Variants in GRM8 observed in about 807,000 individuals in gnomAD.
GRM8 encodes glutamate metabotropic receptor 8, also known as metabotropic glutamate receptor 8.
A neutral mutation model predicts 87.2 loss-of-function variants in GRM8; 47 were observed. The ratio of observed to expected loss-of-function variants is 0.54; its 90% CI spans 0.43 to 0.69. GRM8 has a LOEUF of 0.69. Among genes scored for constraint, GRM8 ranks in the 30% least tolerant of loss-of-function variants. GRM8 has a pLI of 0.00. For synonymous variants in GRM8, 396 were observed against 404.5 expected (o/e 0.98, Z 0.25); for missense variants, 1,019 against 1,139.2 (o/e 0.89, Z 1.52).
intron 3 of GRM8, among the ~76,000 whole-genome samples, chr7:126,949,537 A>G (rs1807908997): frequency 6.6e-6 from 1 of 152,230 alleles, no homozygotes; most frequent in Non-Finnish European, 1.5e-5. Context: ...TGGCAAAAGC[A>G]GTATGCCTAT....
chr7:127,138,460 G>A (rs763122238), intron 2 of GRM8, among the ~76,000 whole-genome samples: 2 of 152,044 alleles, frequency 1.3e-5, no homozygotes, highest in Non-Finnish European at 2.9e-5. Flanking sequence ...CCTTCACTTG[G>A]AGAATATGCA....
chr7:127,196,886 A>G (rs529167903), intron 2 of GRM8, among the ~76,000 whole-genome samples: 1 of 152,238 alleles, frequency 6.6e-6, no homozygotes, highest in South Asian at 2.1e-4. Flanking sequence ...TAAAGTGATG[A>G]TAAGAGGTGG....
At chr7:126,645,884 C>T (rs1343636134) in intron 7 of GRM8, among the ~76,000 whole-genome samples, 1 of 152,140 alleles carries the variant, frequency 6.6e-6, no homozygotes, top group Non-Finnish European at 1.5e-5. Flanking sequence ...TTCCATTTGC[C>T]TTTTGCCTCA....
At chr7:126,578,633 G>A (rs888303210) in intron 8 of GRM8, among the ~76,000 whole-genome samples, 1 of 152,102 alleles carries the variant, frequency 6.6e-6, no homozygotes, top group African/African-American at 2.4e-5. Flanking sequence ...ATGCTGCAGA[G>A]GTGTACTCTA....
intron 3 of GRM8, among the ~76,000 whole-genome samples, chr7:126,922,355 G>A (rs1415311938): frequency 8.5e-5 from 13 of 152,098 alleles, no homozygotes; most frequent in Admixed American, 7.9e-4. Flanking sequence ...GCACATCCAT[G>A]TGCAATGTGT....
intron 8 of GRM8, among the ~76,000 whole-genome samples, chr7:126,598,123 A>G (rs1797384436): frequency 6.6e-6 from 1 of 152,012 alleles, no homozygotes. Flanking sequence ...AAAATATCAC[A>G]TGTTCTCAGT....
intron 6 of GRM8, among the ~76,000 whole-genome samples, chr7:126,902,106 C>A (rs1802142745): frequency 6.6e-6 from 1 of 152,062 alleles, no homozygotes; most frequent in South Asian, 2.1e-4. Flanking sequence ...AGCTGCTATG[C>A]AGGATTTAAG....
intron 8 of GRM8, among the ~76,000 whole-genome samples, chr7:126,597,814 A>C (rs1259512007): frequency 6.6e-6 from 1 of 152,098 alleles, no homozygotes; most frequent in Non-Finnish European, 1.5e-5. Flanking sequence ...ATAGTTGTGC[A>C]TATCTGTGGG....
intron 6 of GRM8, among the ~76,000 whole-genome samples, chr7:126,866,545 A>G (rs1798605077): frequency 7.0e-6 from 1 of 141,996 alleles, no homozygotes; most frequent in African/African-American, 2.6e-5. Context: ...ATGGCTCCAG[A>G]TCTTACATTC....
At chr7:126,758,729 ACTTAG>A (rs1817279802) in intron 7 of GRM8, among the ~76,000 whole-genome samples, 1 of 152,146 alleles carries the variant, frequency 6.6e-6, no homozygotes, top group Non-Finnish European at 1.5e-5. Flanking sequence ...GTAATTGTTC[ACTTAG>A]CTTAGCTAGA....
Position 126,995,587 on chromosome 7 carries a change from C to T in GRM8, c.728-90904G>A, listed in dbSNP as rs1358182723. ...GATGTATTGAAGAATGTCTTAGAGT[C>T]TCTTAATAACATAACTGCTCAACAA... On this transcript the variant is annotated intron_variant, in intron 3 of 10. Transcript: ENST00000339582. Among the ~76,000 whole-genome samples the T allele has an allele frequency of 3.3e-5, 5 of 152,116 alleles. No homozygotes were observed. In the East Asian group the frequency reaches 5.8e-4, roughly 18 times the overall value.
intron 9 of GRM8, among the ~76,000 whole-genome samples, chr7:126,509,300 T>C (rs2150735547): frequency 6.6e-6 from 1 of 152,202 alleles, no homozygotes; most frequent in South Asian, 2.1e-4. Context: ...TTTTGACTTC[T>C]GGGATGTGGC....
intron 2 of GRM8, among the ~76,000 whole-genome samples, chr7:127,147,527 C>T (rs1011377115): frequency 6.6e-6 from 1 of 152,158 alleles, no homozygotes; most frequent in African/African-American, 2.4e-5. Flanking sequence ...CCTATCCCCC[C>T]ACTCACCTTG....
intron 9 of GRM8, among the ~76,000 whole-genome samples, chr7:126,454,433 T>G (rs529392948): frequency 6.6e-6 from 1 of 151,772 alleles, no homozygotes; most frequent in South Asian, 2.1e-4. Context: ...TAACCCTTTT[T>G]AAAGACAAAA....
Position 126,872,459 on chromosome 7 carries a change from A to T in GRM8, c.1156+30083T>A, listed in dbSNP as rs148715311. Among the ~76,000 whole-genome samples the T allele has an allele frequency of 2.8e-3, 428 of 152,194 alleles. 3 individuals are homozygous for T. The highest frequency in any genetic ancestry group is 9.3e-3 in the African/African-American group (385 of 41,538). On this transcript the variant is annotated intron_variant, in intron 6 of 10. Transcript: ENST00000339582. ...AGTATTAATTCTTTCCGCTACTAAG[A>T]CGTTGTTTAGGGTACCCTAAATAGC...
chr7:127,060,072 A>G (rs1820457703), intron 3 of GRM8, among the ~76,000 whole-genome samples: 1 of 152,246 alleles, frequency 6.6e-6, no homozygotes, highest in Non-Finnish European at 1.5e-5. Context: ...AGAGGTGTTT[A>G]GAAACTAGAC....
At chr7:126,659,331 C>T (rs911878216) in intron 7 of GRM8, among the ~76,000 whole-genome samples, 3 of 152,044 alleles carry the variant, frequency 2.0e-5, no homozygotes, top group East Asian at 1.9e-4. Flanking sequence ...ATAATGTGTA[C>T]GTGATTGAGC....
At chr7:126,980,093 C>T (rs1303907864) in intron 3 of GRM8, among the ~76,000 whole-genome samples, 3 of 152,172 alleles carry the variant, frequency 2.0e-5, no homozygotes, top group Non-Finnish European at 4.4e-5. Flanking sequence ...CCATTTTGTT[C>T]TCAATTTGGG....
Position 126,785,628 on chromosome 7 carries a change from T to A in GRM8, c.1157-15563A>T, listed in dbSNP as rs188034796. 1.1e-3 allele frequency among the ~76,000 whole-genome samples: 171 copies of A among 152,140 alleles called. 1 individual carries two copies. Among genetic ancestry groups the A allele is most frequent in the African/African-American group, 4.0e-3 (166 of 41,502 alleles). ...TCTTTTAAGACCCAGGTCTTTCGCT[T>A]CTTTATCCTTTTTCATCCTGTTCTC... On this transcript the variant is annotated intron_variant, in intron 6 of 10. Transcript: ENST00000339582.
Sources: gnomAD v4.1 joint callset for allele counts (sites outside exome capture counted in the v4.1 genomes callset) on GRCh38, gnomAD v4.1.1 for gene constraint, MANE v1.5 for transcripts, NCBI Gene and HGNC (gene_info 2026-07-23, HGNC 2026-07-21) for gene names.